IL18RAP: variants seen among roughly 807,000 people sequenced by gnomAD.
IL18RAP encodes interleukin-18 receptor accessory protein.
A neutral mutation model predicts 58.1 loss-of-function variants in IL18RAP; 37 were observed. The observed-to-expected ratio is 0.64, with a 90% confidence interval of 0.49 to 0.84. The LOEUF is 0.84. Ranked by LOEUF, IL18RAP falls within the 40% of genes least tolerant of loss-of-function variation. The probability of loss-of-function intolerance (pLI) is 0.00; values close to 1 mark genes in which losing one functional copy is unlikely to be tolerated. For synonymous variants in IL18RAP, 268 were observed against 257.5 expected, an observed-to-expected ratio of 1.04 and a Z score of -0.39; for missense variants, 667 against 704.8, an observed-to-expected ratio of 0.95 and a Z score of 0.61.
chr2:102,431,739 T>A (rs1018523572), intron 3 of IL18RAP, among the ~76,000 whole-genome samples: 1 of 152,114 alleles, frequency 6.6e-6, no homozygotes, highest in African/African-American at 2.4e-5. Context: ...ATTTTTCAAA[T>A]ACCCACACTT....
chr2:102,448,798 G>C (rs576544396), intron 8 of IL18RAP, among the ~76,000 whole-genome samples: 2 of 151,750 alleles, frequency 1.3e-5, no homozygotes, highest in East Asian at 3.9e-4. Context: ...GCCTCTACAA[G>C]AAATTTTTTA....
intron 3 of IL18RAP, among the ~76,000 whole-genome samples, chr2:102,432,127 T>C (rs946696956): frequency 6.6e-6 from 1 of 152,050 alleles, no homozygotes; most frequent in African/African-American, 2.4e-5. Context: ...GGTGGGCTAG[T>C]TGGTAGCAAT....
At chr2:102,451,606 C>A (rs1285040819) in intron 9 of IL18RAP, among the ~76,000 whole-genome samples, 160 bp from the exon 10 acceptor site, 1 of 152,224 alleles carries the variant, frequency 6.6e-6, no homozygotes, top group Admixed American at 6.5e-5. Flanking sequence ...GGTCACTAGA[C>A]ACTGGAGCGT....
chr2:102,447,730 T>TATGTATG (rs1558647597), intron 8 of IL18RAP, among the ~76,000 whole-genome samples: 32 of 61,972 alleles, frequency 5.2e-4, no homozygotes, highest in African/African-American at 2.0e-3. Context: ...ATGTATGTAT[T>TATGTATG]TATTTATTTA....
chr2:102,449,713 G>T (rs1351182999), intron 8 of IL18RAP, among the ~76,000 whole-genome samples: 1 of 152,128 alleles, frequency 6.6e-6, no homozygotes, highest in East Asian at 1.9e-4. Flanking sequence ...CTAATTTTAT[G>T]ACTAAATAAA....
chr2:102,444,657 T>A (rs1042619216), intron 6 of IL18RAP, among the ~76,000 whole-genome samples: 3 of 152,210 alleles, frequency 2.0e-5, no homozygotes, highest in African/African-American at 7.2e-5. Context: ...ACTCCCAACT[T>A]CCTGGGTGGA....
Position 102,441,381 on chromosome 2 carries a change from A to G in IL18RAP, c.796+4A>G, listed in dbSNP as rs1165339286. Reference sequence around the variant, plus strand: ...GACACACTGGAAGTAGAACTTGGTAAGCTGGGCCTCATCGCCTTTGAATGA... The same window carrying G: ...GACACACTGGAAGTAGAACTTGGTAGGCTGGGCCTCATCGCCTTTGAATGA... On this transcript the variant is annotated splice_donor_region_variant and intron_variant, in intron 5 of 9. Coordinates refer to ENST00000687160, the MANE Select transcript of IL18RAP (RefSeq NM_001393487.1). 1.9e-6 allele frequency: 3 copies of G among 1,612,214 alleles called. No homozygotes were observed. Among genetic ancestry groups the G allele is most frequent in the Non-Finnish European group, 2.5e-6 (3 of 1,178,590 alleles).
intron 3 of IL18RAP, among the ~76,000 whole-genome samples, chr2:102,426,860 C>T (rs34946515): frequency 0.22 from 32,765 of 151,892 alleles, 3,988 homozygotes; most frequent in African/African-American, 0.32. Context: ...TAACTCCTCC[C>T]ATCTATCTGA....
At chr2:102,447,395 C>T (rs11465724) in intron 8 of IL18RAP, among the ~76,000 whole-genome samples, 188 bp downstream of exon 8, 4,212 of 152,296 alleles carry the variant, frequency 0.028, 102 homozygotes, top group Middle Eastern at 0.078. Context: ...AATGTCCCCA[C>T]TGGATAAAGT....
chr2:102,430,958 G>T (rs1188464138), intron 3 of IL18RAP, among the ~76,000 whole-genome samples: 3 of 152,022 alleles, frequency 2.0e-5, no homozygotes, highest in South Asian at 2.1e-4. Flanking sequence ...ATGATAAATT[G>T]CTTTATATAC....
chr2:102,429,057 A>C (rs886417583), intron 3 of IL18RAP, among the ~76,000 whole-genome samples: 2 of 152,030 alleles, frequency 1.3e-5, no homozygotes, highest in Non-Finnish European at 2.9e-5. Context: ...ATCCCACTTG[A>C]CCATGGTGAA....
intron 7 of IL18RAP, among the ~76,000 whole-genome samples, chr2:102,445,955 A>G (rs540045494): frequency 1.3e-5 from 2 of 152,356 alleles, no homozygotes; most frequent in Admixed American, 1.3e-4. Context: ...GCAGGTTTGA[A>G]TGTTTCTGAG....
chr2:102,420,004 G>A (rs1161092816), upstream of IL18RAP, among the ~76,000 whole-genome samples: 4 of 152,204 alleles, frequency 2.6e-5, no homozygotes, highest in African/African-American at 9.7e-5. Context: ...CTGCATTTTG[G>A]TGGCTCCTTC....
Position 102,451,811 on chromosome 2 carries a change from G to T in IL18RAP, c.1430G>T (p.Gly477Val). 1 of 1,613,936 alleles carries T rather than the reference G, an allele frequency of 6.2e-7. No homozygotes were observed. The highest frequency in any genetic ancestry group is 8.5e-7 in the Non-Finnish European group (1 of 1,179,890). ...AGCATTATTAAGAGAAGCAGAAGAG[G>T]AATATTTATCTTGAGCCCCAACTAT... ...IVSIIKRSRRGIFILSPNYVN... is the reference protein window; with the variant it reads ...IVSIIKRSRRVIFILSPNYVN... The change falls in exon 10 of 10, where the codon GGA becomes GTA. Residue 477 changes from glycine to valine, a missense_variant. Gly to Val is a moderately radical substitution (Grantham distance 109, BLOSUM62 -3). Transcript: ENST00000687160.
chr2:102,445,422 G>A, intron 7 of IL18RAP, 82 bp downstream of exon 7: 1 of 1,339,684 alleles, frequency 7.5e-7, no homozygotes, highest in Non-Finnish European at 1.1e-6. Flanking sequence ...TAGTAATAAT[G>A]ATGACAGCGA....
chr2:102,424,528 A>T (rs1313393536), intron 3 of IL18RAP, 114 bp downstream of exon 3: 25 of 926,476 alleles, frequency 2.7e-5, no homozygotes, highest in Non-Finnish European at 3.9e-5. Flanking sequence ...CTTCTCAAAA[A>T]CTGGCCCTGT....
At chr2:102,450,398 A>G (rs11465730) in intron 8 of IL18RAP, among the ~76,000 whole-genome samples, 70,971 of 151,904 alleles carry the variant, frequency 0.47, 16,881 homozygotes, top group African/African-American at 0.53. Flanking sequence ...ACATATCAGC[A>G]TATGGGCCAT....
At chr2:102,447,781 A>C (rs952605950) in intron 8 of IL18RAP, among the ~76,000 whole-genome samples, 8 of 151,894 alleles carry the variant, frequency 5.3e-5, no homozygotes, top group Admixed American at 5.2e-4. Context: ...CCCAGGCTGG[A>C]GTGCGGTGGC....
At chr2:102,436,799 A>G (rs1485026417) in intron 3 of IL18RAP, among the ~76,000 whole-genome samples, 4 of 102,120 alleles carry the variant, frequency 3.9e-5, no homozygotes, top group Admixed American at 8.5e-5. Context: ...GTGTGTATGT[A>G]TATATATGTG....
Sources: allele counts gnomAD v4.1 joint callset (sites outside exome capture counted in the v4.1 genomes callset), GRCh38; gene constraint gnomAD v4.1.1; transcripts MANE v1.5; gene names NCBI Gene and HGNC (gene_info 2026-07-23, HGNC 2026-07-21).